Variants in COL23A1 observed in about 807,000 individuals in gnomAD.
The protein encoded by COL23A1 is collagen type XXIII alpha 1 chain.
In COL23A1, 97 loss-of-function variants were observed where a neutral mutation model predicts 99.3. The observed-to-expected ratio is 0.98, with a 90% CI of 0.83 to 1.16. The LOEUF (loss-of-function observed/expected upper bound fraction) is 1.16, where lower values mean the gene tolerates loss of function less well. Ranked by LOEUF, COL23A1 falls within the 50% of genes most tolerant of loss-of-function variation. The pLI is 0.00. For missense variants in COL23A1, 762 were observed against 757.4 expected (o/e 1.01, Z -0.07); for synonymous variants, 320 against 308.2 (o/e 1.04, Z -0.40).
At chr5:178,314,574 C>T (rs1561853459) in intron 2 of COL23A1, among the ~76,000 whole-genome samples, 1 of 152,150 alleles carries the variant, frequency 6.6e-6, no homozygotes, top group Non-Finnish European at 1.5e-5. Context: ...TGTGGACATT[C>T]ATGTGCTCTA....
intron 2 of COL23A1, among the ~76,000 whole-genome samples, chr5:178,481,366 A>G (rs1757329583): frequency 6.6e-6 from 1 of 152,186 alleles, no homozygotes; most frequent in Admixed American, 6.5e-5. Flanking sequence ...AAGAAAAAAC[A>G]GATAAGCTGA....
chr5:178,489,959 T>C (rs1426711662), intron 2 of COL23A1, among the ~76,000 whole-genome samples: 1 of 151,974 alleles, frequency 6.6e-6, no homozygotes, highest in Non-Finnish European at 1.5e-5. Context: ...GGTGGCTGGG[T>C]GTGGTGGTTC....
chr5:178,407,879 C>A (rs906510407), intron 2 of COL23A1, among the ~76,000 whole-genome samples: 2 of 151,990 alleles, frequency 1.3e-5, no homozygotes, highest in Non-Finnish European at 2.9e-5. Context: ...CAGCAAGAGT[C>A]CCAAGAGGAG....
intron 2 of COL23A1, among the ~76,000 whole-genome samples, chr5:178,353,939 TAA>T (rs74274474): frequency 0.042 from 6,035 of 142,550 alleles, 223 homozygotes; most frequent in East Asian, 0.11. Context: ...ACCGTTGAGT[TAA>T]AAAAAAAAAA....
At chr5:178,448,954 T>G (rs1243922804) in intron 2 of COL23A1, among the ~76,000 whole-genome samples, 1 of 151,460 alleles carries the variant, frequency 6.6e-6, no homozygotes, top group Non-Finnish European at 1.5e-5. Flanking sequence ...GTCACTTAGG[T>G]TCATTTCTTT....
intron 19 of COL23A1, 28 bp from the exon 20 acceptor site, chr5:178,248,282 C>G: frequency 5.7e-6 from 9 of 1,592,766 alleles, no homozygotes; most frequent in Non-Finnish European, 7.7e-6. Context: ...CCTGTGAGTC[C>G]TTTGTGTCCA....
intron 2 of COL23A1, among the ~76,000 whole-genome samples, chr5:178,502,298 A>ACAAGAGTTGGTATTC (rs1758596832): frequency 6.6e-6 from 1 of 151,946 alleles, no homozygotes; most frequent in Non-Finnish European, 1.5e-5. Context: ...CGCCCGGCTA[A>ACAAGAGTTGGTATTC]TTTTTTGTAT....
chr5:178,408,993 C>T (rs1421047036), intron 2 of COL23A1, among the ~76,000 whole-genome samples: 2 of 145,918 alleles, frequency 1.4e-5, no homozygotes, highest in African/African-American at 2.6e-5. Flanking sequence ...CACACACACA[C>T]ACACACACAC....
chr5:178,262,524 G>C (rs931117027), intron 9 of COL23A1, among the ~76,000 whole-genome samples: 2 of 151,746 alleles, frequency 1.3e-5, no homozygotes, highest in Admixed American at 6.6e-5. Flanking sequence ...CCATTTGACT[G>C]GGGGGGGACC....
At position 178,288,172 on chromosome 5, in the gene COL23A1, C is replaced by T; in HGVS notation, c.441+152G>A. ...GAGATCTGTGCAGCCTTTACCTCCC[C>T]AGAGCTCACGCTAATCGCCTCCACA... On this transcript the variant is annotated intron_variant, in intron 5 of 28. Transcript: ENST00000390654. 3.7e-6 allele frequency: 3 copies of T among 802,052 alleles called. No homozygotes were observed. In the East Asian group the frequency reaches 7.3e-5, roughly 19 times the overall value. 49.7% of individuals were successfully genotyped at this position (802,052 alleles called of 1,614,324 possible).
chr5:178,278,542 C>A (rs1250695574), intron 5 of COL23A1, among the ~76,000 whole-genome samples: 1 of 152,208 alleles, frequency 6.6e-6, no homozygotes, highest in Non-Finnish European at 1.5e-5. Flanking sequence ...CTCTCCTGCG[C>A]CCAACCAGCC....
At chr5:178,517,041 C>T (rs994580801) in intron 2 of COL23A1, among the ~76,000 whole-genome samples, 1 of 152,146 alleles carries the variant, frequency 6.6e-6, no homozygotes, top group Non-Finnish European at 1.5e-5. Context: ...ACGGGGCCTC[C>T]AGGCTGCGGG....
intron 14 of COL23A1, 60 bp from the exon 15 acceptor site, chr5:178,256,457 C>CGACCCTG (rs1765304867): frequency 1.3e-6 from 2 of 1,497,278 alleles, no homozygotes; most frequent in Admixed American, 2.1e-5. Flanking sequence ...ACACCTCCCA[C>CGACCCTG]GACCCTGCCC....
At chr5:178,302,501 G>A (rs374412800) in intron 3 of COL23A1, among the ~76,000 whole-genome samples, 28 of 152,234 alleles carry the variant, frequency 1.8e-4, no homozygotes, top group Admixed American at 5.2e-4. Flanking sequence ...GCTGGAGCAC[G>A]GCTTCGATGC....
intron 2 of COL23A1, among the ~76,000 whole-genome samples, chr5:178,481,556 G>T (rs1293337884): frequency 1.3e-5 from 2 of 151,938 alleles, no homozygotes; most frequent in Admixed American, 6.6e-5. Context: ...TAAAAAATGG[G>T]CAAAGAGCTT....
At chr5:178,341,464 C>A (rs895096361) in intron 2 of COL23A1, among the ~76,000 whole-genome samples, 1 of 152,220 alleles carries the variant, frequency 6.6e-6, no homozygotes, top group Non-Finnish European at 1.5e-5. Flanking sequence ...AAGGGCCTGG[C>A]TAGCCTGGCT....
At chr5:178,362,458 ACT>A (rs917756888) in intron 2 of COL23A1, among the ~76,000 whole-genome samples, 15 of 149,582 alleles carry the variant, frequency 1.0e-4, no homozygotes, top group African/African-American at 2.2e-4. Context: ...CCAAGCAGCC[ACT>A]CTCTCTTTTT....
At chr5:178,358,223 A>AATGT (rs1561896540) in intron 2 of COL23A1, among the ~76,000 whole-genome samples, 13 of 62,018 alleles carry the variant, frequency 2.1e-4, no homozygotes, top group African/African-American at 3.0e-4. Flanking sequence ...ATGTGTGTCT[A>AATGT]ATGTGTGTAT....
chr5:178,568,387 A>G (rs1387189767), intron 1 of COL23A1, among the ~76,000 whole-genome samples: 4 of 152,216 alleles, frequency 2.6e-5, no homozygotes, highest in Admixed American at 6.5e-5. Context: ...AAAGTCACTT[A>G]CCACCAAATA....
Sources: allele counts gnomAD v4.1 joint callset (sites outside exome capture counted in the v4.1 genomes callset), GRCh38; gene constraint gnomAD v4.1.1; transcripts MANE v1.5; gene names NCBI Gene and HGNC (gene_info 2026-07-23, HGNC 2026-07-21).